The following CARF variants were observed in gnomAD, a reference collection of about 807,000 sequenced individuals.
CARF encodes the protein calcium-responsive transcription factor.
CARF carries 57 observed loss-of-function variants against 82.0 expected under a neutral mutation model. The ratio of observed to expected loss-of-function variants is 0.70; its 90% CI spans 0.56 to 0.87. CARF has a LOEUF of 0.87. CARF is among the 40% of genes least tolerant of loss of function. The probability of loss-of-function intolerance (pLI) is 0.00; values close to 1 mark genes in which losing one functional copy is unlikely to be tolerated. For missense variants in CARF, 771 were observed against 855.8 expected, an observed-to-expected ratio of 0.90 and a Z score of 1.24; for synonymous variants, 268 against 290.1, an observed-to-expected ratio of 0.92 and a Z score of 0.77.
intron 1 of CARF, among the ~76,000 whole-genome samples, chr2:202,917,665 A>T (rs1574453355): frequency 6.6e-6 from 1 of 152,224 alleles, no homozygotes; most frequent in African/African-American, 2.4e-5. Context: ...AGACAAGGAA[A>T]CAGGCACAGA....
intron 6 of CARF, 99 bp from the exon 7 acceptor site, chr2:202,953,906 T>C: frequency 9.9e-7 from 1 of 1,006,704 alleles, no homozygotes. Context: ...AAGCATAAAT[T>C]TTCTTTACCT....
chr2:202,929,466 G>A (rs576434025), intron 3 of CARF, among the ~76,000 whole-genome samples: 2 of 152,190 alleles, frequency 1.3e-5, no homozygotes, highest in African/African-American at 4.8e-5. Context: ...AATATTCTTG[G>A]TACCTTTGTT....
At chr2:202,935,194 TATATA>T (rs1406700730) in intron 3 of CARF, among the ~76,000 whole-genome samples, 3 of 141,800 alleles carry the variant, frequency 2.1e-5, no homozygotes, top group African/African-American at 7.7e-5. Flanking sequence ...ATTTTATAAA[TATATA>T]ATATATAATA....
intron 13 of CARF, among the ~76,000 whole-genome samples, chr2:202,974,968 T>C (rs1349767058): frequency 2.0e-5 from 3 of 152,080 alleles, no homozygotes; most frequent in African/African-American, 4.8e-5. Flanking sequence ...TGACTAAAAG[T>C]TTTTTATTAC....
chr2:202,942,108 TGA>T, intron 4 of CARF, 128 bp downstream of exon 4: 1 of 651,468 alleles, frequency 1.5e-6, no homozygotes, highest in Non-Finnish European at 2.7e-6. Context: ...GCGTGGTGGC[TGA>T]CACCTGTGAT....
At chr2:202,924,991 A>G (rs1691528077) in intron 3 of CARF, 2 of 378,512 alleles carry the variant, frequency 5.3e-6, no homozygotes, top group Non-Finnish European at 1.0e-5. Context: ...GCAGAACAAG[A>G]TACTGGAGAC....
At chr2:202,955,000 C>T (rs1162990868) in intron 7 of CARF, among the ~76,000 whole-genome samples, 1 of 150,560 alleles carries the variant, frequency 6.6e-6, no homozygotes, top group Non-Finnish European at 1.5e-5. Context: ...GGTGACAGAG[C>T]GAGACGCTGT....
At chr2:202,931,231 C>T (rs780610706) in intron 3 of CARF, among the ~76,000 whole-genome samples, 1 of 152,162 alleles carries the variant, frequency 6.6e-6, no homozygotes, top group Non-Finnish European at 1.5e-5. Flanking sequence ...CTTGGCCTCC[C>T]AAAGTGCTGG....
At chr2:202,952,532 T>C in intron 5 of CARF, 27 bp from the exon 6 acceptor site, 1 of 1,599,328 alleles carries the variant, frequency 6.3e-7, no homozygotes, top group Non-Finnish European at 8.6e-7. Flanking sequence ...CATATGCATT[T>C]GATTTTTTTT....
At chr2:202,941,786 G>T (rs978828411) in intron 3 of CARF, 74 bp from the exon 4 acceptor site, 3 of 680,412 alleles carry the variant, frequency 4.4e-6, no homozygotes, top group Non-Finnish European at 7.6e-6. Flanking sequence ...GTGAATATGA[G>T]AGATTTGTTT....
At chr2:202,922,369 A>G (rs1559185341) in intron 2 of CARF, among the ~76,000 whole-genome samples, 1 of 152,130 alleles carries the variant, frequency 6.6e-6, no homozygotes, top group East Asian at 1.9e-4. Context: ...TGCCTGCCCC[A>G]GCCTCCCAAA....
intron 9 of CARF, among the ~76,000 whole-genome samples, chr2:202,966,109 AAG>A (rs1456590403): frequency 3.3e-5 from 5 of 152,196 alleles, no homozygotes; most frequent in South Asian, 4.1e-4. Flanking sequence ...AAGCAAGAGT[AAG>A]AGAGAGTACC....
Position 202,954,082 on chromosome 2 carries a change from T to C in CARF, c.505T>C (p.Tyr169His), listed in dbSNP as rs561861976. The C allele has an allele frequency of 6.2e-7, 1 of 1,613,794 alleles. No homozygotes were observed. The highest frequency in any genetic ancestry group is 2.2e-5 in the East Asian group (1 of 44,828). The change falls in exon 7 of 17, where the codon TAC becomes CAC. Residue 169 changes from tyrosine to histidine, a missense_variant. Coordinates refer to ENST00000438828, the MANE Select transcript of CARF (RefSeq NM_024744.17). ...TACTCTAGCAGACAATACCAGCAAT[T>C]ACATTCTTCATCCTCAAACATCCTT... is the stretch of plus-strand genomic sequence containing the variant. ...VDTLADNTSN[Y>H]ILHPQTSFPL... is the part of the protein sequence containing the mutation.
chr2:202,920,749 G>T (rs1690647828), intron 2 of CARF, among the ~76,000 whole-genome samples: 1 of 152,026 alleles, frequency 6.6e-6, no homozygotes, highest in East Asian at 1.9e-4. Flanking sequence ...ATAGTAAATT[G>T]TATTCCTAAT....
intron 3 of CARF, among the ~76,000 whole-genome samples, chr2:202,938,103 T>C (rs1694243804): frequency 6.6e-6 from 1 of 152,190 alleles, no homozygotes; most frequent in Admixed American, 6.5e-5. Context: ...TTATAAACAA[T>C]CCAATTATAC....
intron 4 of CARF, 29 bp from the exon 5 acceptor site, chr2:202,942,711 T>A: frequency 6.7e-7 from 1 of 1,492,758 alleles, no homozygotes; most frequent in Non-Finnish European, 9.1e-7. Flanking sequence ...GGTGATAGAC[T>A]GAAGTGATTT....
chr2:202,970,897 A>G (rs1056864336), intron 11 of CARF, among the ~76,000 whole-genome samples: 6 of 145,306 alleles, frequency 4.1e-5, no homozygotes, highest in African/African-American at 1.5e-4. Flanking sequence ...AGAGATCTGC[A>G]TTCACCTTTA....
intron 1 of CARF, among the ~76,000 whole-genome samples, chr2:202,915,460 A>T (rs571497888): frequency 3.4e-4 from 51 of 151,710 alleles, no homozygotes; most frequent in Non-Finnish European, 6.3e-4. Flanking sequence ...CTCCCAGCTG[A>T]TTTTTGTATT....
At chr2:202,958,385 A>T (rs557306652) in intron 8 of CARF, among the ~76,000 whole-genome samples, 13 of 152,136 alleles carry the variant, frequency 8.5e-5, no homozygotes, top group Admixed American at 5.2e-4. Context: ...AATCATTATT[A>T]CAAGCCTCAT....
Sources: allele counts gnomAD v4.1 joint callset (sites outside exome capture counted in the v4.1 genomes callset), GRCh38; gene constraint gnomAD v4.1.1; transcripts MANE v1.5; gene names NCBI Gene and HGNC (gene_info 2026-07-23, HGNC 2026-07-21).